The following CD226 variants were observed in gnomAD, a reference collection of about 807,000 sequenced individuals.
CD226 encodes CD226 molecule.
In CD226, 24 loss-of-function variants were observed where a neutral mutation model predicts 34.9. The ratio of observed to expected loss-of-function variants is 0.69; its 90% CI spans 0.50 to 0.97. The LOEUF is 0.97. Ranked by LOEUF, CD226 falls within the 50% of genes least tolerant of loss-of-function variation. CD226 has a pLI of 0.00. For missense variants in CD226, 397 were observed against 412.7 expected, an observed-to-expected ratio of 0.96 and a Z score of 0.33; for synonymous variants, 148 against 147.4, an observed-to-expected ratio of 1.00 and a Z score of -0.03.
At chr18:69,961,489 A>T (rs989010421), upstream of CD226, 1 of 152,182 alleles carries the variant, frequency 6.6e-6, no homozygotes, top group Non-Finnish European at 1.5e-5. Flanking sequence ...ACAATCAATC[A>T]TTGAAGACCT....
intron 5 of CD226, among the ~76,000 whole-genome samples, chr18:69,865,124 G>T (rs1372773479): frequency 6.6e-6 from 1 of 152,010 alleles, no homozygotes; most frequent in Admixed American, 6.6e-5. Context: ...CGAGTAGCTG[G>T]GATTACAGGC....
chr18:69,917,095 G>A (rs376073304), intron 2 of CD226, among the ~76,000 whole-genome samples: 3 of 152,156 alleles, frequency 2.0e-5, no homozygotes, highest in African/African-American at 7.2e-5. Context: ...GTAATGACAA[G>A]GGCCTTGTCA....
chr18:69,936,466 C>T (rs779492976), intron 2 of CD226, among the ~76,000 whole-genome samples: 14 of 152,126 alleles, frequency 9.2e-5, no homozygotes, highest in Non-Finnish European at 2.1e-4. Context: ...TGTTTTTTAT[C>T]GTCTGCCTTC....
intron 2 of CD226, among the ~76,000 whole-genome samples, chr18:69,918,356 C>T (rs1007482282): frequency 3.9e-5 from 6 of 152,030 alleles, no homozygotes; most frequent in African/African-American, 1.4e-4. Flanking sequence ...AGTTTGAGAC[C>T]AGCCTGGCCA....
chr18:69,943,180 T>C (rs1568206324), intron 2 of CD226, among the ~76,000 whole-genome samples: 3 of 152,200 alleles, frequency 2.0e-5, no homozygotes, highest in African/African-American at 7.2e-5. Flanking sequence ...TGACACGCAG[T>C]TGCATCCTAC....
intron 3 of CD226, among the ~76,000 whole-genome samples, chr18:69,891,575 A>G (rs1984907215): frequency 6.6e-6 from 1 of 152,216 alleles, no homozygotes; most frequent in Non-Finnish European, 1.5e-5. Flanking sequence ...ATAATCATAT[A>G]TGTATAAAAC....
intron 2 of CD226, among the ~76,000 whole-genome samples, chr18:69,904,033 CTG>C (rs1310195783): frequency 6.6e-6 from 1 of 152,138 alleles, no homozygotes; most frequent in East Asian, 1.9e-4. Context: ...TTGCCATTTT[CTG>C]TCTTTCATCT....
rs1185977626 is a variant in CD226, at chr18:69,856,163, T to A, written c.*8151A>T. The A allele has an allele frequency of 6.6e-6, 1 of 152,074 alleles. No homozygotes were observed. The highest frequency in any genetic ancestry group is 2.4e-5 in the African/African-American group (1 of 41,404). The allele number at this position is 152,074 out of a possible 1,614,324, so 9.4% of individuals were successfully genotyped here. On this transcript the variant is annotated 3_prime_UTR_variant, in exon 6 of 6. Transcript: ENST00000582621. The stretch of plus-strand genomic sequence containing the variant: ...TAAAAAACTGAAAGTTATGTTAATA[T>A]CAGAAAAAGCAGACAGAACAAGAAA...
At chr18:69,884,611 T>C (rs959791897) in intron 3 of CD226, among the ~76,000 whole-genome samples, 3 of 152,218 alleles carry the variant, frequency 2.0e-5, no homozygotes, top group African/African-American at 4.8e-5. Flanking sequence ...ACAGCACCCT[T>C]ACCTCCCAAT....
intron 2 of CD226, among the ~76,000 whole-genome samples, chr18:69,912,965 G>A (rs2055343546): frequency 6.6e-6 from 1 of 152,186 alleles, no homozygotes; most frequent in Non-Finnish European, 1.5e-5. Context: ...AGGGAACTCA[G>A]TGCAACAAAC....
Position 69,861,406 on chromosome 18 carries a change from G to A in CD226, c.*2908C>T, listed in dbSNP as rs1402923582. 6.6e-6 allele frequency: 1 copy of A among 150,928 alleles called. No homozygotes were observed. The highest frequency in any genetic ancestry group is 1.5e-5 in the Non-Finnish European group (1 of 67,628). The allele number at this position is 150,928 out of a possible 1,614,324, so 9.3% of individuals were successfully genotyped here. A position where few individuals can be genotyped will look rare whatever the true frequency, so the allele number is the denominator to read the frequency against. ...TGTGTTCTTTCCCTGACAAAACTGT[G>A]TACTCCATTAACAAGTCTTCCTATC... is the stretch of plus-strand genomic sequence containing the variant. On this transcript the variant is annotated 3_prime_UTR_variant, in exon 6 of 6. Coordinates refer to ENST00000582621, the MANE Select transcript of CD226 (RefSeq NM_001303618.2).
intron 2 of CD226, among the ~76,000 whole-genome samples, chr18:69,897,304 C>T (rs191155609): frequency 1.5e-4 from 23 of 152,240 alleles, no homozygotes; most frequent in Non-Finnish European, 1.8e-4. Context: ...GGTCTTGAGA[C>T]CAAAAAGTTT....
chr18:69,922,444 G>T (rs1261671388), intron 2 of CD226, among the ~76,000 whole-genome samples: 1 of 152,020 alleles, frequency 6.6e-6, no homozygotes, highest in African/African-American at 2.4e-5. Flanking sequence ...ACCACAACTG[G>T]ATAATTTTTT....
At chr18:69,900,973 A>G (rs2055175040) in intron 2 of CD226, among the ~76,000 whole-genome samples, 1 of 152,264 alleles carries the variant, frequency 6.6e-6, no homozygotes, top group African/African-American at 2.4e-5. Flanking sequence ...CAAATTCACA[A>G]ATGCCATTTA....
upstream of CD226, among the ~76,000 whole-genome samples, chr18:69,958,526 C>T (rs1216659972): frequency 1.3e-5 from 2 of 152,182 alleles, no homozygotes; most frequent in Non-Finnish European, 2.9e-5. Context: ...TGAGTCAAAA[C>T]TCTTCCTCAA....
upstream of CD226, among the ~76,000 whole-genome samples, chr18:69,958,490 G>A (rs1479242096): frequency 6.6e-6 from 1 of 152,030 alleles, no homozygotes; most frequent in Non-Finnish European, 1.5e-5. Flanking sequence ...ATTTTTGCAG[G>A]ACACACCCAA....
intron 3 of CD226, among the ~76,000 whole-genome samples, chr18:69,881,518 G>C (rs978919832): frequency 5.3e-5 from 8 of 152,172 alleles, no homozygotes; most frequent in Admixed American, 1.3e-4. Flanking sequence ...TTAACCACAA[G>C]GGTAGCTATG....
chr18:69,954,510 C>T lies in CD226; in HGVS notation c.-28+2245G>A, dbSNP rs968939805. Among the ~76,000 whole-genome samples, 6 of 151,774 alleles carry T rather than the reference C, an allele frequency of 4.0e-5. No homozygotes were observed. In the East Asian group the frequency reaches 7.7e-4, roughly 20 times the overall value. Reference sequence around the variant, plus strand: ...AGGGCCAAGCAGGCATCTGCAACACCGTGCTGCCTCAAATCCTAAAGGAAA... The same window carrying T: ...AGGGCCAAGCAGGCATCTGCAACACTGTGCTGCCTCAAATCCTAAAGGAAA... On this transcript the variant is annotated intron_variant, in intron 1 of 6. Coordinates refer to the CD226 transcript ENST00000280200.
chr18:69,949,689 G>T (rs921550538), upstream of CD226, among the ~76,000 whole-genome samples: 2 of 151,274 alleles, frequency 1.3e-5, no homozygotes, highest in South Asian at 2.1e-4. Flanking sequence ...ACACACACAT[G>T]CAGTCTCACA....
Sources: gnomAD v4.1 joint callset for allele counts (sites outside exome capture counted in the v4.1 genomes callset) on GRCh38, gnomAD v4.1.1 for gene constraint, MANE v1.5 for transcripts, NCBI Gene and HGNC (gene_info 2026-07-23, HGNC 2026-07-21) for gene names.